FABP9: variants seen among roughly 807,000 people sequenced by gnomAD.
FABP9 encodes the protein fatty acid-binding protein 9.
Under a neutral mutation model 14.7 loss-of-function variants are expected in FABP9, and 11 were observed. That is an observed-to-expected ratio of 0.75 (90% CI 0.47 to 1.24). The LOEUF (loss-of-function observed/expected upper bound fraction) is 1.24, where lower values mean the gene tolerates loss of function less well. Among genes scored for constraint, FABP9 ranks in the 50% most tolerant of loss-of-function variants. The pLI is 0.00. For missense variants in FABP9, 171 were observed against 158.2 expected, an observed-to-expected ratio of 1.08 and a Z score of -0.44; for synonymous variants, 54 against 50.6, an observed-to-expected ratio of 1.07 and a Z score of -0.29.
In FABP9 at chr8:81,458,358, A is replaced by G. The variant is rs749975255; in HGVS notation, c.*25T>C. 3 of 1,585,912 alleles carry G rather than the reference A, an allele frequency of 1.9e-6. No individual in the cohort carries two copies. The highest frequency in any genetic ancestry group is 1.7e-5 in the Admixed American group (1 of 59,912). On this transcript the variant is annotated 3_prime_UTR_variant, in exon 4 of 4. Transcript: ENST00000379071. ...GGTACCAGTTCCTTGTCAGTGAACA[A>G]GTTTTCATTGCTGTGGACCTTTCTT...
chr8:81,461,436 A>G lies in FABP9; in HGVS notation c.73+15T>C. 6.3e-7 allele frequency: 1 copy of G among 1,580,060 alleles called. No individual in the cohort carries two copies. The highest frequency in any genetic ancestry group is 8.7e-7 in the Non-Finnish European group (1 of 1,149,040). On this transcript the variant is annotated intron_variant, in intron 1 of 3. Transcript: ENST00000379071. Reference sequence around the variant, plus strand: ...ATGCTTTGCCAATTTCCAAATTTGTAATGGTATTTCTCACCCAGTTCTTTC... The same window carrying G: ...ATGCTTTGCCAATTTCCAAATTTGTGATGGTATTTCTCACCCAGTTCTTTC...
chr8:81,461,467 A>G lies in FABP9; in HGVS notation c.57T>C (p.Asp19=). The change falls in exon 1 of 4, where the codon GAT becomes GAC. Residue 19 remains aspartate (D), a synonymous_variant. Transcript: ENST00000379071. The part of the protein sequence containing the change: ...WKLVSSENFE[D]YMKELGVNFA... ...ATTTCTCACCCAGTTCTTTCATGTAATCCTCAAAGTTTTCACTGGAGACCA... is the reference window on the plus strand; with the variant it reads ...ATTTCTCACCCAGTTCTTTCATGTAGTCCTCAAAGTTTTCACTGGAGACCA... The G allele has an allele frequency of 6.2e-7, 1 of 1,612,940 alleles. No individual in the cohort carries two copies. Among genetic ancestry groups the G allele is most frequent in the Non-Finnish European group, 8.5e-7 (1 of 1,178,942 alleles).
intron 2 of FABP9, 29 bp from the exon 3 acceptor site, chr8:81,458,732 G>A (rs1251314006): frequency 2.1e-6 from 3 of 1,438,118 alleles, no homozygotes; most frequent in South Asian, 1.2e-5. Context: ...ATCAGAAGTA[G>A]CAACTCACTA....
chr8:81,459,657 G>A (rs1311768596), intron 1 of FABP9, among the ~76,000 whole-genome samples: 1 of 152,180 alleles, frequency 6.6e-6, no homozygotes, highest in Non-Finnish European at 1.5e-5. Flanking sequence ...GGGTGCGGGA[G>A]GAGTTTGACT....
intron 1 of FABP9, among the ~76,000 whole-genome samples, chr8:81,459,862 T>C (rs574192254): frequency 2.0e-5 from 3 of 152,340 alleles, no homozygotes; most frequent in South Asian, 2.1e-4. Flanking sequence ...AAGAGTGAGA[T>C]GGTTAAAACC....
At chr8:81,460,413 A>G (rs1807673125) in intron 1 of FABP9, among the ~76,000 whole-genome samples, 1 of 152,198 alleles carries the variant, frequency 6.6e-6, no homozygotes, top group African/African-American at 2.4e-5. Flanking sequence ...CAGTCAACAC[A>G]AGTGCTACTC....
chr8:81,459,234 C>A lies in FABP9; in HGVS notation c.177G>T (p.Gln59His). 6.3e-7 allele frequency: 1 copy of A among 1,587,694 alleles called. No individual in the cohort carries two copies. Among genetic ancestry groups the A allele is most frequent in the Non-Finnish European group, 8.5e-7 (1 of 1,171,482 alleles). The change falls in exon 2 of 4, where the codon CAG becomes CAT. Residue 59 changes from glutamine (Q) to histidine (H), a missense_variant. By Grantham distance (24) the Gln-to-His change is conservative. Coordinates refer to ENST00000379071, the MANE Select transcript of FABP9 (RefSeq NM_001080526.2). ...MMTIRTESSF[Q>H]DTKISFKLGE... ...CCAGCTTGAAGGAGATCTTAGTGTCCTGGAAAGAACTTTCTGTTCTTATGG... is the reference window on the plus strand; with the variant it reads ...CCAGCTTGAAGGAGATCTTAGTGTCATGGAAAGAACTTTCTGTTCTTATGG...
intron 1 of FABP9, 52 bp from the exon 2 acceptor site, chr8:81,459,389 T>C: frequency 7.0e-7 from 1 of 1,425,224 alleles, no homozygotes; most frequent in East Asian, 2.7e-5. Context: ...TAACAATCAC[T>C]CTGGAAGTCA....
At chr8:81,459,979 G>GTTTT (rs568405597) in intron 1 of FABP9, among the ~76,000 whole-genome samples, 4 of 149,326 alleles carry the variant, frequency 2.7e-5, no homozygotes, top group African/African-American at 9.8e-5. Flanking sequence ...GACCTCGCAA[G>GTTTT]TTTTTTTTTT....
chr8:81,459,150 A>G lies in FABP9; in HGVS notation c.246+15T>C. The G allele has an allele frequency of 6.4e-7, 1 of 1,565,030 alleles. No individual in the cohort carries two copies. Reference sequence around the variant, plus strand: ...TTTTCCTGATTGTTGAACACCAGGAAGAATTAGTTCTGACCTTTACTTTCC... The same window carrying G: ...TTTTCCTGATTGTTGAACACCAGGAGGAATTAGTTCTGACCTTTACTTTCC... On this transcript the variant is annotated intron_variant, in intron 2 of 3. Transcript: ENST00000379071.
At chr8:81,459,906 A>C (rs1807662241) in intron 1 of FABP9, among the ~76,000 whole-genome samples, 1 of 152,192 alleles carries the variant, frequency 6.6e-6, no homozygotes, top group East Asian at 1.9e-4. Context: ...TAGCTTGGGC[A>C]TATTATTTAC....
Position 81,458,415 on chromosome 8 carries a change from TA to T in FABP9, c.366del (p.Asn122LysfsTer40), listed in dbSNP as rs1405916712. On this transcript the variant is annotated frameshift_variant, in exon 4 of 4. Transcript: ENST00000379071. LOFTEE classifies it high-confidence loss of function. ...EKMVVECKMN[N>X]IVSTRIYEKV ...TTTTCGTAGATTCTGGTGCTGACAA[TA>T]TTATTCATTTTACATTCCTAAAAGC... is the stretch of plus-strand genomic sequence containing the variant. 6.2e-7 allele frequency: 1 copy of T among 1,612,734 alleles called. No individual in the cohort carries two copies. The highest frequency in any genetic ancestry group is 8.5e-7 in the Non-Finnish European group (1 of 1,178,862).
chr8:81,459,315 G>T lies in FABP9; in HGVS notation c.96C>A (p.Asn32Lys). The change falls in exon 2 of 4, where the codon AAC (asparagine) becomes AAA (lysine). Residue 32 changes from asparagine (N) to lysine (K), a missense_variant. Coordinates refer to ENST00000379071, the MANE Select transcript of FABP9 (RefSeq NM_001080526.2). The part of the protein sequence containing the change: ...KELGVNFAAR[N>K]MAGLVKPTVT... ...CTGTCGGTTTCACTAACCCTGCCAT[G>T]TTCCGGGCTGCGAAATTCACTCCTA... 1 of 1,534,988 alleles carries T rather than the reference G, an allele frequency of 6.5e-7. No homozygotes were observed. Among genetic ancestry groups the T allele is most frequent in the Non-Finnish European group, 8.7e-7 (1 of 1,151,792 alleles).
chr8:81,459,631 G>A (rs1017010202), intron 1 of FABP9, among the ~76,000 whole-genome samples: 60 of 152,196 alleles, frequency 3.9e-4, no homozygotes, highest in African/African-American at 1.1e-3. Context: ...CTTGTGGAGT[G>A]TTACGATAAC....
intron 3 of FABP9, 55 bp from the exon 4 acceptor site, chr8:81,458,488 T>C: frequency 6.6e-7 from 1 of 1,515,682 alleles, no homozygotes; most frequent in Non-Finnish European, 9.2e-7. Context: ...AAACTTGCCC[T>C]GCCCCTTTCT....
At chr8:81,461,051 G>A (rs1446675221) in intron 1 of FABP9, among the ~76,000 whole-genome samples, 1 of 152,104 alleles carries the variant, frequency 6.6e-6, no homozygotes, top group Non-Finnish European at 1.5e-5. Flanking sequence ...CTGTTTTAAA[G>A]CTATAACTTA....
Position 81,459,157 on chromosome 8 carries a change from G to A in FABP9, c.246+8C>T. On this transcript the variant is annotated splice_region_variant and intron_variant, in intron 2 of 3. Coordinates refer to ENST00000379071, the MANE Select transcript of FABP9 (RefSeq NM_001080526.2). ...GATTGTTGAACACCAGGAAGAATTA[G>A]TTCTGACCTTTACTTTCCGGTTGTC... 2.5e-6 allele frequency: 4 copies of A among 1,582,356 alleles called. No individual in the cohort carries two copies. The highest frequency in any genetic ancestry group is 3.4e-6 in the Non-Finnish European group (4 of 1,169,818).
rs1585802613 is a variant in FABP9 at position 81,458,681 on chromosome 8, C to G, written c.269G>C (p.Gly90Ala). Residue 90 changes from glycine (G) to alanine (A), a missense_variant, in exon 3 of 4, where the codon GGC becomes GCC. Physicochemically the swap from Gly to Ala is moderately conservative, Grantham distance 60 (BLOSUM62 0). Coordinates refer to ENST00000379071, the MANE Select transcript of FABP9 (RefSeq NM_001080526.2). ...KVKSTITLEN[G>A]SMIHVQKWLG... The stretch of plus-strand genomic sequence containing the variant: ...CCATTTTTGGACGTGAATCATTGAG[C>G]CATTCTCTAATGTTATGGTGCTCTA... 1.2e-6 allele frequency: 2 copies of G among 1,613,450 alleles called. No homozygotes were observed. The highest frequency in any genetic ancestry group is 1.7e-6 in the Non-Finnish European group (2 of 1,179,662).
chr8:81,458,551 G>A (rs747228249), intron 3 of FABP9, 51 bp downstream of exon 3: 8 of 1,495,006 alleles, frequency 5.4e-6, no homozygotes, highest in Non-Finnish European at 7.5e-6. Context: ...TAACTTGAAA[G>A]GCATGTATCA....
Sources: allele counts gnomAD v4.1 joint callset (sites outside exome capture counted in the v4.1 genomes callset), GRCh38; gene constraint gnomAD v4.1.1; transcripts MANE v1.5; gene names NCBI Gene and HGNC (gene_info 2026-07-23, HGNC 2026-07-21).